Variants in CCDC7 observed in about 807,000 individuals in gnomAD.
CCDC7 encodes the protein coiled-coil domain-containing protein 7.
A neutral mutation model predicts 196.9 loss-of-function variants in CCDC7; 183 were observed. That is an observed-to-expected ratio of 0.93 (90% CI 0.82 to 1.05). CCDC7 has a LOEUF of 1.05. CCDC7 is among the 50% of genes least tolerant of loss of function. The pLI, the probability that CCDC7 is intolerant of heterozygous loss-of-function variation, is 0.00. For missense variants in CCDC7, 1,540 were observed against 1,482.2 expected, an observed-to-expected ratio of 1.04 and a Z score of -0.64; for synonymous variants, 525 against 484.6, an observed-to-expected ratio of 1.08 and a Z score of -1.10.
chr10:32,504,115 G>GT (rs748760643), intron 9 of CCDC7, among the ~76,000 whole-genome samples: 15,388 of 96,190 alleles, frequency 0.16, 2,755 homozygotes, highest in African/African-American at 0.36. Context: ...TTTATTGCTG[G>GT]TTTTTTTTTT....
intron 20 of CCDC7, among the ~76,000 whole-genome samples, chr10:32,639,641 T>C (rs2066346307): frequency 6.6e-6 from 1 of 151,694 alleles, no homozygotes; most frequent in Non-Finnish European, 1.5e-5. Flanking sequence ...TTTTTTTTTT[T>C]TTTTGAGATG....
rs2079120805 is a variant in CCDC7, at chr10:32,703,464, T to A, written c.2459-8156T>A. ...CCCTTAATATTTTTTCCTTCATTTC[T>A]ACTTTGGTGAATCTGACAATTATGA... On this transcript the variant is annotated intron_variant, in intron 24 of 41. Coordinates refer to ENST00000639629, the Ensembl canonical transcript of CCDC7. Among the ~76,000 whole-genome samples the A allele has an allele frequency of 1.3e-5, 2 of 152,024 alleles. 1 individual carries two copies. The highest frequency in any genetic ancestry group is 1.3e-4 in the Admixed American group (2 of 15,264).
At chr10:32,493,044 CAG>C (rs1277896692) in intron 9 of CCDC7, among the ~76,000 whole-genome samples, 1 of 151,792 alleles carries the variant, frequency 6.6e-6, no homozygotes, top group African/African-American at 2.4e-5. Flanking sequence ...AGCTATGTAA[CAG>C]ACCCAAAATC....
chr10:32,648,143 T>C (rs2068098221), intron 20 of CCDC7, among the ~76,000 whole-genome samples: 4 of 152,234 alleles, frequency 2.6e-5, no homozygotes, highest in Admixed American at 2.6e-4. Flanking sequence ...GCTGTAGGTG[T>C]GGGGCTTTAT....
intron 8 of CCDC7, among the ~76,000 whole-genome samples, chr10:32,491,518 G>A (rs981607651): frequency 6.6e-6 from 1 of 152,082 alleles, no homozygotes; most frequent in Non-Finnish European, 1.5e-5. Context: ...AGCAACTAAA[G>A]CAGTTCTGTT....
intron 31 of CCDC7, among the ~76,000 whole-genome samples, chr10:32,818,498 T>A (rs1289572564): frequency 6.6e-6 from 1 of 151,630 alleles, no homozygotes; most frequent in Non-Finnish European, 1.5e-5. Flanking sequence ...CTAATAGACA[T>A]CTACAGAACT....
At chr10:32,715,983 G>T (rs188024490) in intron 25 of CCDC7, among the ~76,000 whole-genome samples, 2 of 152,200 alleles carry the variant, frequency 1.3e-5, no homozygotes, top group East Asian at 3.9e-4. Flanking sequence ...CATGCTGCAG[G>T]ATATTATCCA....
intron 10 of CCDC7, 29 bp downstream of exon 11, chr10:32,518,004 A>T: frequency 6.4e-7 from 1 of 1,553,212 alleles, no homozygotes; most frequent in Non-Finnish European, 8.7e-7. Context: ...ATTTGAAATT[A>T]CACTTTGTCC....
At chr10:32,656,894 A>G (rs2070017884) in intron 20 of CCDC7, among the ~76,000 whole-genome samples, 1 of 152,194 alleles carries the variant, frequency 6.6e-6, no homozygotes. Context: ...TCCAGATACA[A>G]TGGGGGAACA....
chr10:32,687,742 G>A (rs1389257679), intron 22 of CCDC7, among the ~76,000 whole-genome samples: 2 of 152,190 alleles, frequency 1.3e-5, no homozygotes, highest in Admixed American at 6.5e-5. Flanking sequence ...CCCTAATTTT[G>A]TTTTGTTTTG....
At chr10:32,473,907 T>C (rs2038450678) in intron 7 of CCDC7, 60 bp from the exon 9 acceptor site, 4 of 1,427,570 alleles carry the variant, frequency 2.8e-6, no homozygotes, top group Non-Finnish European at 3.7e-6. Context: ...AAATTTAAAC[T>C]CAATTAGTAT....
chr10:32,645,366 T>G (rs1157507604), intron 20 of CCDC7, among the ~76,000 whole-genome samples: 2 of 152,188 alleles, frequency 1.3e-5, no homozygotes, highest in Non-Finnish European at 2.9e-5. Flanking sequence ...TTCCCTGATA[T>G]GAATCCCACT....
At chr10:32,848,228 C>T (rs1360262421) in intron 38 of CCDC7, among the ~76,000 whole-genome samples, 1 of 152,070 alleles carries the variant, frequency 6.6e-6, no homozygotes, top group Non-Finnish European at 1.5e-5. Context: ...AACATTGGTT[C>T]AATTGGGGCA....
intron 18 of CCDC7, among the ~76,000 whole-genome samples, chr10:32,629,486 C>T (rs930121726): frequency 2.6e-5 from 4 of 152,118 alleles, no homozygotes; most frequent in Middle Eastern, 6.8e-3. Flanking sequence ...AAGTCGGTCT[C>T]CTTGATGTGC....
At chr10:32,678,976 A>G (rs545861103) in intron 21 of CCDC7, among the ~76,000 whole-genome samples, 30 of 152,272 alleles carry the variant, frequency 2.0e-4, no homozygotes, top group African/African-American at 7.2e-4. Flanking sequence ...TCTTACTTAC[A>G]TCAATCCCCC....
At chr10:32,622,083 T>C (rs1193645292) in intron 18 of CCDC7, among the ~76,000 whole-genome samples, 1 of 152,210 alleles carries the variant, frequency 6.6e-6, no homozygotes, top group East Asian at 1.9e-4. Context: ...CACCTTTCTC[T>C]ACGGAATTCA....
At chr10:32,665,024 T>G (rs560310412) in intron 21 of CCDC7, among the ~76,000 whole-genome samples, 1 of 152,082 alleles carries the variant, frequency 6.6e-6, no homozygotes, top group Non-Finnish European at 1.5e-5. Context: ...GGAAGTGATA[T>G]TTCATTGTGG....
intron 28 of CCDC7, among the ~76,000 whole-genome samples, chr10:32,741,123 T>C (rs2085768892): frequency 6.6e-6 from 1 of 152,250 alleles, no homozygotes; most frequent in South Asian, 2.1e-4. Context: ...CTGCTTAATA[T>C]TGACATTTAT....
At chr10:32,498,963 T>C (rs1373975585) in intron 9 of CCDC7, 1 of 152,154 alleles carries the variant, frequency 6.6e-6, no homozygotes, top group Non-Finnish European at 1.5e-5. Context: ...TTCTCCTGTA[T>C]AATATCCTGA....
Sources: allele counts gnomAD v4.1 joint callset (sites outside exome capture counted in the v4.1 genomes callset), GRCh38; gene constraint gnomAD v4.1.1; transcripts MANE v1.5; gene names NCBI Gene and HGNC (gene_info 2026-07-23, HGNC 2026-07-21).